The following SIPA1L3 variants were observed in gnomAD, a reference collection of about 807,000 sequenced individuals.
The protein encoded by SIPA1L3 is signal induced proliferation associated 1 like 3.
Under a neutral mutation model 150.1 loss-of-function variants are expected in SIPA1L3, and 59 were observed. The observed-to-expected ratio is 0.39, with a 90% confidence interval of 0.32 to 0.49. The LOEUF (loss-of-function observed/expected upper bound fraction) is 0.49. Among genes scored for constraint, SIPA1L3 ranks in the 20% least tolerant of loss-of-function variants. The pLI, the probability that SIPA1L3 is intolerant of heterozygous loss-of-function variation, is 0.86. For synonymous variants in SIPA1L3, 1,070 were observed against 1,077.6 expected, an observed-to-expected ratio of 0.99 and a Z score of 0.14; for missense variants, 2,211 against 2,489.5, an observed-to-expected ratio of 0.89 and a Z score of 2.38.
intron 15 of SIPA1L3, among the ~76,000 whole-genome samples, chr19:38,169,587 C>T (rs1487370969): frequency 2.0e-5 from 3 of 152,164 alleles, no homozygotes; most frequent in Non-Finnish European, 4.4e-5. Flanking sequence ...ATTGAATGTA[C>T]CCTTAGAACA....
At chr19:37,985,854 G>A (rs77636880) in intron 1 of SIPA1L3, among the ~76,000 whole-genome samples, 1,719 of 152,320 alleles carry the variant, frequency 0.011, 32 homozygotes, top group African/African-American at 0.04. Flanking sequence ...CCAGGGATGC[G>A]GGGCCACAGG....
chr19:38,162,646 GA>G (rs1342350640), intron 14 of SIPA1L3, among the ~76,000 whole-genome samples: 2 of 152,182 alleles, frequency 1.3e-5, no homozygotes, highest in African/African-American at 4.8e-5. Context: ...AGACAGCCCC[GA>G]ATCTCAGTGA....
At chr19:38,016,835 T>C (rs1458095974) in intron 1 of SIPA1L3, among the ~76,000 whole-genome samples, 1 of 151,498 alleles carries the variant, frequency 6.6e-6, no homozygotes, top group Non-Finnish European at 1.5e-5. Flanking sequence ...CGGTCATGTT[T>C]GTAATTGTTT....
Position 38,082,298 on chromosome 19 carries a change from G to T in SIPA1L3, c.733G>T (p.Asp245Tyr). The T allele has an allele frequency of 1.3e-6, 2 of 1,599,642 alleles. No homozygotes were observed. Among genetic ancestry groups the T allele is most frequent in the Non-Finnish European group, 8.5e-7 (1 of 1,179,334 alleles). The change falls in exon 3 of 22, where the codon GAT (aspartate) becomes TAT (tyrosine). Residue 245 changes from aspartate to tyrosine, a missense_variant. Physicochemically the swap from Asp to Tyr is radical, Grantham distance 160. Coordinates refer to ENST00000222345, the MANE Select transcript of SIPA1L3 (RefSeq NM_015073.3). ...GGCCCTCACCGAGCTCCTCCGGGCAGATCCTGGCCCACACCTCATGGGGGG... is the reference window on the plus strand; with the variant it reads ...GGCCCTCACCGAGCTCCTCCGGGCATATCCTGGCCCACACCTCATGGGGGG... The part of the protein sequence containing the change: ...CQALTELLRA[D>Y]PGPHLMGGGG...
intron 1 of SIPA1L3, among the ~76,000 whole-genome samples, chr19:38,025,646 G>A (rs1968492611): frequency 6.6e-6 from 1 of 152,194 alleles, no homozygotes; most frequent in Non-Finnish European, 1.5e-5. Context: ...AAATTAGAGT[G>A]GCGGGAAAGC....
At chr19:38,089,404 T>C (rs1970213883) in intron 4 of SIPA1L3, among the ~76,000 whole-genome samples, 1 of 151,242 alleles carries the variant, frequency 6.6e-6, no homozygotes, top group Non-Finnish European at 1.5e-5. Flanking sequence ...CAGACCAAGA[T>C]TTCAGTCCAG....
In SIPA1L3 at chr19:38,100,161, G is replaced by T; in HGVS notation, c.1854+11G>T. ...CTCGATGAGCAAGGGGTGAGTCAGG[G>T]GCTGGAGGTGGGGGTGCTGCTGGGG... On this transcript the variant is annotated intron_variant, in intron 5 of 21. Transcript: ENST00000222345. 1 of 1,539,092 alleles carries T rather than the reference G, an allele frequency of 6.5e-7. No homozygotes were observed. The highest frequency in any genetic ancestry group is 1.2e-5 in the South Asian group (1 of 80,928).
chr19:38,033,282 A>G (rs553592693), intron 2 of SIPA1L3, among the ~76,000 whole-genome samples: 90 of 152,290 alleles, frequency 5.9e-4, no homozygotes, highest in Admixed American at 1.5e-3. Context: ...GACTGTGACT[A>G]TGTTTTGTTT....
At chr19:38,188,873 A>G (rs552564432) in intron 16 of SIPA1L3, among the ~76,000 whole-genome samples, 2 of 151,798 alleles carry the variant, frequency 1.3e-5, no homozygotes, top group Non-Finnish European at 2.9e-5. Flanking sequence ...CAGTGAGCCA[A>G]GATTGCGCCA....
chr19:38,195,487 G>A (rs1277279821), intron 18 of SIPA1L3, among the ~76,000 whole-genome samples: 1 of 152,044 alleles, frequency 6.6e-6, no homozygotes, highest in Non-Finnish European at 1.5e-5. Flanking sequence ...TGCCACTTTA[G>A]TGGAAATTTC....
intron 1 of SIPA1L3, among the ~76,000 whole-genome samples, chr19:37,960,377 T>C (rs2046846395): frequency 6.6e-6 from 1 of 151,590 alleles, no homozygotes; most frequent in Non-Finnish European, 1.5e-5. Context: ...GCTGGGACTA[T>C]AGGTGCGCGC....
chr19:37,991,787 G>A (rs35856826), intron 1 of SIPA1L3, among the ~76,000 whole-genome samples: 44,978 of 151,998 alleles, frequency 0.3, 7,548 homozygotes, highest in East Asian at 0.7. Context: ...TTCTCTTGGG[G>A]GCTTGCTAGG....
chr19:38,128,732 A>C (rs1408293764), intron 9 of SIPA1L3, among the ~76,000 whole-genome samples: 2 of 152,018 alleles, frequency 1.3e-5, no homozygotes, highest in South Asian at 4.2e-4. Context: ...CCCCATCTCT[A>C]CTAAAAGTAC....
intron 7 of SIPA1L3, among the ~76,000 whole-genome samples, chr19:38,108,000 A>T (rs1568553733): frequency 6.6e-6 from 1 of 152,070 alleles, no homozygotes; most frequent in African/African-American, 2.4e-5. Context: ...AAGCAAAAAA[A>T]AAAAGCGCTT....
At chr19:38,116,137 T>C (rs567074031) in intron 8 of SIPA1L3, among the ~76,000 whole-genome samples, 1 of 152,270 alleles carries the variant, frequency 6.6e-6, no homozygotes, top group African/African-American at 2.4e-5. Context: ...TACTGACAAA[T>C]AGGTTTTAAT....
chr19:38,192,079 C>T, intron 16 of SIPA1L3, 66 bp from the exon 17 acceptor site: 2 of 1,477,296 alleles, frequency 1.4e-6, no homozygotes, highest in Non-Finnish European at 1.8e-6. Context: ...CTCTTGAATC[C>T]AAACAGCTTT....
Position 38,107,993 on chromosome 19 carries a change from C to CA in SIPA1L3, c.2133+1364dup, listed in dbSNP as rs374605991. 3.9e-3 allele frequency among the ~76,000 whole-genome samples: 508 copies of CA among 130,688 alleles called. 1 individual carries two copies. The highest frequency in any genetic ancestry group is 5.2e-3 in the African/African-American group (161 of 30,852). The allele number at this position is 130,688 out of a possible 152,430, so 85.7% of individuals were successfully genotyped here. ...CTCTGTCTCAAAAGAGAAAAAAAAGCAAAAAAAAAAAGCGCTTTGATCTCA... is the reference window on the plus strand; with the variant it reads ...CTCTGTCTCAAAAGAGAAAAAAAAGCAAAAAAAAAAAAGCGCTTTGATCTCA... On this transcript the variant is annotated intron_variant, in intron 7 of 21. Coordinates refer to ENST00000222345, the MANE Select transcript of SIPA1L3 (RefSeq NM_015073.3).
At chr19:38,120,922 C>T (rs925667016) in intron 9 of SIPA1L3, among the ~76,000 whole-genome samples, 1 of 152,228 alleles carries the variant, frequency 6.6e-6, no homozygotes, top group African/African-American at 2.4e-5. Context: ...CAGTTCAGAG[C>T]ACAAGATCTA....
intron 15 of SIPA1L3, among the ~76,000 whole-genome samples, chr19:38,176,384 G>GT (rs977517985): frequency 8.7e-5 from 13 of 149,040 alleles, no homozygotes; most frequent in East Asian, 2.0e-4. Flanking sequence ...TTTTTTTTTT[G>GT]TTTTTTTTAT....
Sources: allele counts gnomAD v4.1 joint callset (sites outside exome capture counted in the v4.1 genomes callset), GRCh38; gene constraint gnomAD v4.1.1; transcripts MANE v1.5; gene names NCBI Gene and HGNC (gene_info 2026-07-23, HGNC 2026-07-21).